The following ARMH1 variants were observed in gnomAD, a reference collection of about 807,000 sequenced individuals.
ARMH1 encodes the protein armadillo-like helical domain containing protein 1.
In ARMH1, 34 loss-of-function variants were observed where a neutral mutation model predicts 50.2. That is an observed-to-expected ratio of 0.68 (90% CI 0.51 to 0.90). ARMH1 has a LOEUF of 0.90. ARMH1 is among the 40% of genes least tolerant of loss of function. ARMH1 has a pLI of 0.00. For synonymous variants in ARMH1, 221 were observed against 224.2 expected, an observed-to-expected ratio of 0.99 and a Z score of 0.13; for missense variants, 538 against 553.9, an observed-to-expected ratio of 0.97 and a Z score of 0.29.
intron 2 of ARMH1, among the ~76,000 whole-genome samples, chr1:44,693,664 C>T (rs1457438853): frequency 6.6e-6 from 1 of 152,112 alleles, no homozygotes; most frequent in Non-Finnish European, 1.5e-5. Flanking sequence ...TGCTGTTTCC[C>T]AGGCTCATCT....
chr1:44,712,083 G>A (rs1646636008), intron 6 of ARMH1, among the ~76,000 whole-genome samples: 1 of 152,146 alleles, frequency 6.6e-6, no homozygotes, highest in Non-Finnish European at 1.5e-5. Flanking sequence ...TACCAGCTTT[G>A]AGAAGTAGAT....
rs200444791 is a variant in ARMH1, at chr1:44,704,108, A to C, written c.659A>C (p.His220Pro). 1.3e-4 allele frequency: 199 copies of C among 1,550,632 alleles called. 1 individual carries two copies. Among genetic ancestry groups the C allele is most frequent in the Non-Finnish European group, 5.3e-5 (61 of 1,146,614 alleles). ...GGTCAGCCAATCATTGGGACCACAC[A>C]CCCCAGCATCGTGGACTGCGTGCTG... is the stretch of plus-strand genomic sequence containing the variant. ...RTAQPIIGTT[H>P]PSIVDCVLKV... is the part of the protein sequence containing the mutation. Residue 220 changes from histidine to proline, a missense_variant, in exon 6 of 12, where the codon CAC (histidine) becomes CCC (proline). Physicochemically the swap from His to Pro is moderately conservative, Grantham distance 77. Transcript: ENST00000535358.
intron 6 of ARMH1, among the ~76,000 whole-genome samples, chr1:44,709,476 T>A (rs189313188): frequency 6.6e-6 from 1 of 152,018 alleles, no homozygotes; most frequent in Non-Finnish European, 1.5e-5. Context: ...ATCGAGACCA[T>A]CCTGGCTAAC....
chr1:44,694,509 C>CTTTTTTTTTTTTTT (rs10531731), intron 2 of ARMH1, among the ~76,000 whole-genome samples: 3 of 113,674 alleles, frequency 2.6e-5, no homozygotes, highest in Non-Finnish European at 5.2e-5. Flanking sequence ...TTCTTTTTTT[C>CTTTTTTTTTTTTTT]TTTTTTTTTT....
At position 44,724,367 on chromosome 1, in the gene ARMH1, C is replaced by G. The variant is rs1647902044; in HGVS notation, c.895C>G (p.Gln299Glu). The change falls in exon 8 of 12, where the codon CAG (glutamine) becomes GAG (glutamate). Residue 299 changes from glutamine (Q) to glutamate (E), a missense_variant. Transcript: ENST00000535358. The surrounding 1 kb of genome is among the most constrained non-coding windows in gnomAD (Gnocchi z 6.4). Reference sequence around the variant, plus strand: ...CCCCAGCCTGCCGATGTTTTTGCAGCAGGCCGCGGCCGCCAAGGCCATCGG... The same window carrying G: ...CCCCAGCCTGCCGATGTTTTTGCAGGAGGCCGCGGCCGCCAAGGCCATCGG... ...LTPSLPMFLQ[Q>E]AAAAKAIGVL... 1 of 1,551,156 alleles carries G rather than the reference C, an allele frequency of 6.4e-7. No individual in the cohort carries two copies. Among genetic ancestry groups the G allele is most frequent in the South Asian group, 1.2e-5 (1 of 84,048 alleles).
intron 1 of ARMH1, among the ~76,000 whole-genome samples, chr1:44,675,948 C>T (rs952747530): frequency 3.3e-5 from 5 of 151,550 alleles, no homozygotes; most frequent in Admixed American, 6.6e-5. Flanking sequence ...TGACAGAGCG[C>T]GACTCTGTCT....
chr1:44,675,389 G>A (rs1168385179), intron 1 of ARMH1, among the ~76,000 whole-genome samples: 2 of 152,164 alleles, frequency 1.3e-5, no homozygotes, highest in Non-Finnish European at 2.9e-5. Context: ...TGCCAGGCGC[G>A]GTGGCTCAAA....
chr1:44,722,137 G>C (rs1647343870), intron 6 of ARMH1, among the ~76,000 whole-genome samples: 1 of 152,216 alleles, frequency 6.6e-6, no homozygotes, highest in African/African-American at 2.4e-5. Flanking sequence ...AATGAGCTGA[G>C]CGCCGGAACA....
intron 6 of ARMH1, among the ~76,000 whole-genome samples, chr1:44,706,258 G>A (rs1469446222): frequency 1.3e-5 from 2 of 152,218 alleles, no homozygotes; most frequent in African/African-American, 4.8e-5. Context: ...GACAAAATAA[G>A]AATGTGCTGG....
rs1645663420 is a variant in ARMH1 at position 44,691,665 on chromosome 1, T to C, written c.206+1762T>C. Among the ~76,000 whole-genome samples the C allele has an allele frequency of 2.6e-5, 4 of 152,194 alleles. No individual in the cohort carries two copies. The South Asian group carries it at 6.2e-4, about 24-fold the overall frequency. On this transcript the variant is annotated intron_variant, in intron 2 of 11. Transcript: ENST00000535358. ...TTGTCAAGATTCAACACCACTCTTG[T>C]ATGAGGGCTTTCAAATAAGTATCCC... is the stretch of plus-strand genomic sequence containing the variant.
intron 2 of ARMH1, among the ~76,000 whole-genome samples, chr1:44,696,183 T>A (rs1195913937): frequency 6.6e-6 from 1 of 152,190 alleles, no homozygotes; most frequent in East Asian, 1.9e-4. Flanking sequence ...CAACACTATT[T>A]TTGCAGTAAA....
At chr1:44,680,925 G>A (rs931937708) in intron 1 of ARMH1, among the ~76,000 whole-genome samples, 38 of 151,294 alleles carry the variant, frequency 2.5e-4, no homozygotes, top group African/African-American at 9.0e-4. Context: ...TATCATCAGC[G>A]TCTTTGTCAA....
In ARMH1 at chr1:44,725,382, G is replaced by A; in HGVS notation, c.1302G>A (p.Glu434=). ...TGGCCTACCTCACACACTTCGAGGA[G>A]GATGTAGAATCAAAGGAGTAACAGC... is the stretch of plus-strand genomic sequence containing the variant. ...AQMAYLTHFE[E]DVESKE is the part of the protein sequence containing the mutation. Residue 434 remains glutamate (E), a synonymous_variant, in exon 12 of 12, where the codon GAG becomes GAA. Coordinates refer to ENST00000535358, the MANE Select transcript of ARMH1 (RefSeq NM_001145636.2). 1 of 1,551,800 alleles carries A rather than the reference G, an allele frequency of 6.4e-7. No individual in the cohort carries two copies. The highest frequency in any genetic ancestry group is 8.7e-7 in the Non-Finnish European group (1 of 1,147,016).
intron 2 of ARMH1, among the ~76,000 whole-genome samples, chr1:44,696,127 G>A (rs1174188366): frequency 6.6e-6 from 1 of 152,186 alleles, no homozygotes; most frequent in African/African-American, 2.4e-5. Flanking sequence ...GCTGCTGCCT[G>A]GCCCCAACTA....
At position 44,684,660 on chromosome 1, in the gene ARMH1, T is replaced by C. The variant is rs151263491; in HGVS notation, c.-22-5016T>C. ...ACCACTGAAGGTCAGAAATGAGGTA[T>C]GGAGCCCAACCTAGGGGGATTCACT... On this transcript the variant is annotated intron_variant, in intron 1 of 11. Transcript: ENST00000535358. 7 of 152,354 alleles carry C rather than the reference T, an allele frequency of 4.6e-5. No homozygotes were observed. The East Asian group carries it at 1.4e-3, about 29-fold the overall frequency. The allele number at this position is 152,354 out of a possible 1,614,324, so 9.4% of individuals were successfully genotyped here.
At chr1:44,693,784 T>G (rs1302846873) in intron 2 of ARMH1, among the ~76,000 whole-genome samples, 1 of 152,180 alleles carries the variant, frequency 6.6e-6, no homozygotes, top group Admixed American at 6.6e-5. Context: ...TTAATTTGAT[T>G]GTTTTAAATA....
chr1:44,698,236 A>G lies in ARMH1; in HGVS notation c.442+7A>G. 6.5e-7 allele frequency: 1 copy of G among 1,548,818 alleles called. No homozygotes were observed. ...CTCATTTGTGAAAGCTATGGTGGGT[A>G]CTGTGTGTGACAAGATGTGTCTCCC... is the stretch of plus-strand genomic sequence containing the variant. On this transcript the variant is annotated splice_region_variant and intron_variant, in intron 4 of 11. Coordinates refer to ENST00000535358, the MANE Select transcript of ARMH1 (RefSeq NM_001145636.2).
intron 2 of ARMH1, among the ~76,000 whole-genome samples, chr1:44,696,788 A>T (rs1469669443): frequency 6.6e-6 from 1 of 152,144 alleles, no homozygotes; most frequent in Non-Finnish European, 1.5e-5. Flanking sequence ...GAGCTTTGGG[A>T]TATTGACCCC....
chr1:44,678,572 A>T (rs1331268477), intron 1 of ARMH1, among the ~76,000 whole-genome samples: 2 of 152,046 alleles, frequency 1.3e-5, no homozygotes, highest in African/African-American at 4.8e-5. Context: ...AAGTTTGAGG[A>T]GATAATGTTT....
Sources: gnomAD v4.1 joint callset for allele counts (sites outside exome capture counted in the v4.1 genomes callset) on GRCh38, gnomAD v4.1.1 for gene constraint, Gnocchi (gnomAD v3.1) non-coding constraint, MANE v1.5 for transcripts, NCBI Gene and HGNC (gene_info 2026-07-23, HGNC 2026-07-21) for gene names.